The following RAB9A variants were observed in gnomAD, a reference collection of about 807,000 sequenced individuals.
The protein encoded by RAB9A is RAB9A, member RAS oncogene family.
In RAB9A, 1 loss-of-function variant was observed where a neutral mutation model predicts 10.3. The observed-to-expected ratio is 0.10, with a 90% CI of 0.03 to 0.46. The LOEUF (loss-of-function observed/expected upper bound fraction) is 0.46. Ranked by LOEUF, RAB9A falls within the 20% of genes least tolerant of loss-of-function variation. The probability of loss-of-function intolerance (pLI) is 0.96; values close to 1 mark genes in which losing one functional copy is unlikely to be tolerated. For missense variants in RAB9A, 92 were observed against 150.3 expected (o/e 0.61, Z 2.03); for synonymous variants, 39 against 55.2 (o/e 0.71, Z 1.30).
intron 1 of RAB9A, among the ~76,000 whole-genome samples, chrX:13,693,187 CAGG>C (rs1398912925): frequency 9.8e-6 from 1 of 102,084 alleles, no homozygotes; most frequent in Non-Finnish European, 2.0e-5. Context: ...TGTTAAGCAG[CAGG>C]AGGAGGAAGT....
chrX:13,696,819 G>T (rs910648757), intron 1 of RAB9A, among the ~76,000 whole-genome samples: 1 of 111,837 alleles, frequency 8.9e-6, no homozygotes, highest in African/African-American at 3.3e-5. Flanking sequence ...GTGAGGTTGG[G>T]CTTGGAAAGC....
chrX:13,704,322 T>G (rs753898956), intron 2 of RAB9A, among the ~76,000 whole-genome samples: 74 of 112,174 alleles, frequency 6.6e-4, no homozygotes, highest in African/African-American at 2.4e-3. Context: ...GATGAAAAAC[T>G]TTTTGAAAAA....
intron 1 of RAB9A, among the ~76,000 whole-genome samples, chrX:13,699,272 G>A (rs2046161945): frequency 8.9e-6 from 1 of 111,742 alleles, no homozygotes; most frequent in Admixed American, 9.5e-5. Context: ...TAGAATGCGG[G>A]GAGAACTGAT....
At chrX:13,698,196 T>C (rs1288908517) in intron 1 of RAB9A, among the ~76,000 whole-genome samples, 1 of 48,982 alleles carries the variant, frequency 2.0e-5, no homozygotes, top group Non-Finnish European at 3.6e-5. Context: ...TTTTCTTTTT[T>C]TTTTTTTTTT....
intron 1 of RAB9A, among the ~76,000 whole-genome samples, chrX:13,701,250 C>T (rs2046172565): frequency 1.8e-5 from 2 of 109,448 alleles, no homozygotes; most frequent in African/African-American, 6.7e-5. Context: ...CCGTTGACAA[C>T]CATGAATCTA....
intron 2 of RAB9A, among the ~76,000 whole-genome samples, chrX:13,708,340 A>AAAC (rs751516612): frequency 1.8e-4 from 19 of 108,529 alleles, no homozygotes; most frequent in East Asian, 8.6e-4. Context: ...AACAAAACCA[A>AAAC]AACAACAACA....
intron 1 of RAB9A, among the ~76,000 whole-genome samples, chrX:13,699,677 G>C (rs1280223226): frequency 8.9e-6 from 1 of 112,441 alleles, no homozygotes; most frequent in East Asian, 2.8e-4. Context: ...TGTCATAGCT[G>C]TCGAAGTAGG....
intron 2 of RAB9A, among the ~76,000 whole-genome samples, chrX:13,706,346 G>A (rs778330058): frequency 1.8e-5 from 2 of 111,176 alleles, no homozygotes; most frequent in Admixed American, 9.6e-5. Context: ...GTGTTGGACA[G>A]TTTAAATTGT....
At chrX:13,707,978 C>A (rs903006170) in intron 2 of RAB9A, among the ~76,000 whole-genome samples, 7 of 110,747 alleles carry the variant, frequency 6.3e-5, no homozygotes, top group Admixed American at 9.6e-5. Flanking sequence ...GGAGAGAGGC[C>A]TTAAGTGAAC....
At chrX:13,699,606 G>C (rs748105664) in intron 1 of RAB9A, among the ~76,000 whole-genome samples, 9 of 112,467 alleles carry the variant, frequency 8.0e-5, no homozygotes, top group Non-Finnish European at 1.7e-4. Context: ...AGATTAGGTT[G>C]CTGGGGCGGT....
intron 1 of RAB9A, among the ~76,000 whole-genome samples, chrX:13,702,798 T>C (rs1032164024): frequency 8.9e-6 from 1 of 112,262 alleles, no homozygotes; most frequent in Non-Finnish European, 1.9e-5. Context: ...TTTTGTGAGG[T>C]ACAGTTGTGA....
intron 1 of RAB9A, among the ~76,000 whole-genome samples, chrX:13,701,612 A>G (rs10856516): frequency 0.29 from 32,365 of 110,049 alleles, 3,642 homozygotes; most frequent in South Asian, 0.47. Context: ...AGGCATGTCA[A>G]TTACAGAATT....
chrX:13,697,401 A>G (rs1181232215), intron 1 of RAB9A, among the ~76,000 whole-genome samples: 2 of 111,821 alleles, frequency 1.8e-5, no homozygotes, highest in South Asian at 3.7e-4. Flanking sequence ...ACTTTTATCT[A>G]TGTCTTTGCA....
At chrX:13,696,941 G>A (rs983579859) in intron 1 of RAB9A, among the ~76,000 whole-genome samples, 3 of 112,228 alleles carry the variant, frequency 2.7e-5, no homozygotes, top group African/African-American at 9.7e-5. Flanking sequence ...GCTGCCTGCA[G>A]TGTTGAGCTG....
intron 1 of RAB9A, among the ~76,000 whole-genome samples, chrX:13,691,652 T>A (rs1602693842): frequency 6.3e-5 from 3 of 47,557 alleles, no homozygotes; most frequent in Non-Finnish European, 6.7e-5. Context: ...AGAATGAGAC[T>A]CCATCTCAAA....
chrX:13,706,819 A>G (rs964380639), intron 2 of RAB9A, among the ~76,000 whole-genome samples: 9 of 111,765 alleles, frequency 8.1e-5, no homozygotes, highest in Admixed American at 4.8e-4. Context: ...GGTTTTTATC[A>G]GAACAGTGGA....
chrX:13,693,776 G>T (rs771363975), intron 1 of RAB9A, among the ~76,000 whole-genome samples: 35 of 111,463 alleles, frequency 3.1e-4, no homozygotes, highest in Non-Finnish European at 5.1e-4. Flanking sequence ...GAGAGACTGG[G>T]TGTGTATTTT....
At position 13,709,356 on chromosome X, in the gene RAB9A, T is replaced by C; in HGVS notation, c.*4T>C. The C allele has an allele frequency of 8.4e-7, 1 of 1,195,040 alleles. No homozygotes were observed. The highest frequency in any genetic ancestry group is 1.1e-6 in the Non-Finnish European group (1 of 886,703). On this transcript the variant is annotated 3_prime_UTR_variant, in exon 3 of 3. Coordinates refer to ENST00000464506, the MANE Select transcript of RAB9A (RefSeq NM_004251.5). The stretch of plus-strand genomic sequence containing the variant: ...GCCTAGCTCATCTTGCTGTTGATTG[T>C]TAGATTGTTGATGCATTCTAACCAA...
At chrX:13,707,877 C>T (rs1443022499) in intron 2 of RAB9A, among the ~76,000 whole-genome samples, 2 of 112,099 alleles carry the variant, frequency 1.8e-5, no homozygotes, top group African/African-American at 3.2e-5. Context: ...ATTTCACAGC[C>T]AGGTAAGTCA....
Sources: allele counts gnomAD v4.1 joint callset (sites outside exome capture counted in the v4.1 genomes callset), GRCh38; gene constraint gnomAD v4.1.1; transcripts MANE v1.5; gene names NCBI Gene and HGNC (gene_info 2026-07-23, HGNC 2026-07-21).